The following ARAP3 variants were observed in gnomAD, a reference collection of about 807,000 sequenced individuals.
ARAP3 encodes ArfGAP with RhoGAP domain, ankyrin repeat and PH domain 3, also known as arf-GAP with Rho-GAP domain, ANK repeat and PH domain-containing protein 3.
A neutral mutation model predicts 169.2 loss-of-function variants in ARAP3; 82 were observed. The ratio of observed to expected loss-of-function variants is 0.48; its 90% confidence interval spans 0.41 to 0.58. ARAP3 has a LOEUF of 0.58. Ranked by LOEUF, ARAP3 falls within the 20% of genes least tolerant of loss-of-function variation. The probability of loss-of-function intolerance (pLI) is 0.00; values close to 1 mark genes in which losing one functional copy is unlikely to be tolerated. For missense variants in ARAP3, 1,764 were observed against 2,018.0 expected (o/e 0.87, Z 2.41); for synonymous variants, 791 against 800.3 (o/e 0.99, Z 0.20).
Position 141,658,603 on chromosome 5 carries a change from G to C in ARAP3, c.3387C>G (p.Leu1129=), listed in dbSNP as rs922948942. 6.2e-7 allele frequency: 1 copy of C among 1,612,882 alleles called. No individual in the cohort carries two copies. The highest frequency in any genetic ancestry group is 8.5e-7 in the Non-Finnish European group (1 of 1,179,720). The change falls in exon 24 of 33, where the codon CTC becomes CTG. Residue 1129 remains leucine (L), a synonymous_variant. Transcript: ENST00000239440. ...CCTTCAGGGTGACACAGTTGTCTGG[G>C]AGCTGCTGCTCTATATAAACTTCCA... ...LIMEVYIEQQ[L]PDNCVTLKVS...
Position 141,676,044 on chromosome 5 carries a change from T to C in ARAP3, c.699-2236A>G, listed in dbSNP as rs10072639. On this transcript the variant is annotated intron_variant, in intron 4 of 32. Transcript: ENST00000239440. ...GATCATTCCTATTCACCTACAAACC[T>C]ATATAACATTGCATCCAATAAAAAA... is the stretch of plus-strand genomic sequence containing the variant. 2.5e-3 allele frequency among the ~76,000 whole-genome samples: 373 copies of C among 152,168 alleles called. 1 individual carries two copies. The highest frequency in any genetic ancestry group is 8.5e-3 in the African/African-American group (354 of 41,506).
chr5:141,672,530 C>A lies in ARAP3; in HGVS notation c.1385+22G>T. The A allele has an allele frequency of 6.2e-7, 1 of 1,613,140 alleles. No individual in the cohort carries two copies. Among genetic ancestry groups the A allele is most frequent in the Non-Finnish European group, 8.5e-7 (1 of 1,179,520 alleles). On this transcript the variant is annotated intron_variant, in intron 9 of 32. Transcript: ENST00000239440. The surrounding 1 kb of genome is among the most constrained non-coding windows in gnomAD (Gnocchi z 4.9). ...TCCCGCAAAAGTCCCCCAGCCTTGCCTCCCACTGGCCCAGGCCCCACCTGA... is the reference window on the plus strand; with the variant it reads ...TCCCGCAAAAGTCCCCCAGCCTTGCATCCCACTGGCCCAGGCCCCACCTGA...
In ARAP3 at chr5:141,669,733, C is replaced by T; in HGVS notation, c.2328G>A (p.Glu776=). 2 of 1,614,110 alleles carry T rather than the reference C, an allele frequency of 1.2e-6. No homozygotes were observed. The highest frequency in any genetic ancestry group is 1.1e-5 in the South Asian group (1 of 91,084). Residue 776 remains glutamate, a synonymous_variant, in exon 16 of 33, where the codon GAG becomes GAA. Coordinates refer to ENST00000239440, the MANE Select transcript of ARAP3 (RefSeq NM_022481.6). ...CCTTGCCCACAGCACTAGTCCAGGC[C>T]TCCAGACTGTCAGCTCCATCTGTGC... The part of the protein sequence containing the change: ...HFGTDGADSL[E]AWTSAVGKWF...
At chr5:141,660,023 C>T in intron 21 of ARAP3, 97 bp from the exon 22 acceptor site, 2 of 1,436,600 alleles carry the variant, frequency 1.4e-6, no homozygotes, top group Non-Finnish European at 1.9e-6. Flanking sequence ...GCTTGGAATA[C>T]AGCAGTAAGA....
rs949471082 is a variant in ARAP3 at position 141,666,470 on chromosome 5, G to A, written c.2526C>T (p.Pro842=). The A allele has an allele frequency of 5.0e-6, 8 of 1,597,508 alleles. No homozygotes were observed. The African/African-American group carries it at 9.4e-5, about 19-fold the overall frequency. Residue 842 remains proline (P), a synonymous_variant, in exon 17 of 33, where the codon CCC becomes CCT. Coordinates refer to ENST00000239440, the MANE Select transcript of ARAP3 (RefSeq NM_022481.6). ...GATGCACCATGTCCTCAGGGGCTGG[G>A]GGGCCTGGGCCCGGCGCTGAGCACA... The part of the protein sequence containing the change: ...LFLCSAPGPG[P]PAPEDMVHLR...
intron 4 of ARAP3, among the ~76,000 whole-genome samples, chr5:141,675,604 T>TCGGGAGC (rs2099912072): frequency 5.3e-5 from 8 of 151,790 alleles, no homozygotes; most frequent in Non-Finnish European, 1.2e-4. Context: ...GCGCCTGTAA[T>TCGGGAGC]TCCAGCTACT....
intron 1 of ARAP3, among the ~76,000 whole-genome samples, chr5:141,681,144 T>C (rs1470873816): frequency 6.6e-6 from 1 of 152,166 alleles, no homozygotes; most frequent in Non-Finnish European, 1.5e-5. Flanking sequence ...TTGGTCAGGC[T>C]GCCGGGAGAG....
intron 16 of ARAP3, 108 bp downstream of exon 16, chr5:141,669,601 C>A: frequency 9.5e-7 from 1 of 1,054,214 alleles, no homozygotes. Context: ...CTCAGTCACC[C>A]TTAGCTGTTA....
chr5:141,655,371 G>C lies in ARAP3; in HGVS notation c.4140C>G (p.Ser1380=), dbSNP rs542882607. The stretch of plus-strand genomic sequence containing the variant: ...CAGGCACAATACTCACAAAGAACAT[G>C]GACAGGGTCCTCCGGTTGTGTAGTC... ...LRRLHNRRTL[S]MFFPMKSSQG... is the part of the protein sequence containing the mutation. Residue 1380 remains serine, a synonymous_variant, in exon 32 of 33, where the codon TCC becomes TCG. Coordinates refer to ENST00000239440, the MANE Select transcript of ARAP3 (RefSeq NM_022481.6). The C allele has an allele frequency of 1.3e-6, 2 of 1,582,664 alleles. No homozygotes were observed. Among genetic ancestry groups the C allele is most frequent in the African/African-American group, 2.7e-5 (2 of 74,448 alleles).
At chr5:141,661,040 T>C (rs945263372) in intron 21 of ARAP3, among the ~76,000 whole-genome samples, 3 of 151,986 alleles carry the variant, frequency 2.0e-5, no homozygotes, top group African/African-American at 4.8e-5. Context: ...ACTCTTTTTG[T>C]TCTTTTTTTT....
At position 141,669,614 on chromosome 5, in the gene ARAP3, GGAA is replaced by G. The variant is rs1349406928; in HGVS notation, c.2352+92_2352+94del. On this transcript the variant is annotated intron_variant, in intron 16 of 32. Coordinates refer to ENST00000239440, the MANE Select transcript of ARAP3 (RefSeq NM_022481.6). ...TGCTCAGTCACCCTTAGCTGTTAGT[GGAA>G]GAAGTGGCTGTAGGAATAAGAGAGG... The G allele has an allele frequency of 4.1e-4, 497 of 1,201,800 alleles. 1 individual carries two copies. The highest frequency in any genetic ancestry group is 2.8e-5 in the Non-Finnish European group (23 of 819,426). The allele number at this position is 1,201,800 out of a possible 1,614,324, so 74.4% of individuals were successfully genotyped here.
intron 25 of ARAP3, among the ~76,000 whole-genome samples, chr5:141,657,623 G>A (rs895725805): frequency 2.0e-5 from 3 of 152,230 alleles, no homozygotes; most frequent in Non-Finnish European, 4.4e-5. Flanking sequence ...AAAACATAAT[G>A]ATGACTTCAA....
Position 141,671,624 on chromosome 5 carries a change from C to G in ARAP3, c.1800G>C (p.Leu600=). The stretch of plus-strand genomic sequence containing the variant: ...GAGGGTGGGGCTTCCGGAAGAGACC[C>G]AGACGGTACTTTCGGGAGATGAACT... ...RGEFISRKYR[L]GLFRKPHPQY... Residue 600 remains leucine (L), a synonymous_variant, in exon 12 of 33, where the codon CTG becomes CTC. Transcript: ENST00000239440. The surrounding 1 kb of genome is among the most constrained non-coding windows in gnomAD (Gnocchi z 4.9). 1 of 1,614,086 alleles carries G rather than the reference C, an allele frequency of 6.2e-7. No homozygotes were observed. The highest frequency in any genetic ancestry group is 8.5e-7 in the Non-Finnish European group (1 of 1,179,986).
At chr5:141,677,171 C>G (rs755182812) in intron 4 of ARAP3, among the ~76,000 whole-genome samples, 14 of 152,110 alleles carry the variant, frequency 9.2e-5, no homozygotes, top group Admixed American at 2.0e-4. Context: ...CCCAATATAT[C>G]CTAAACATTA....
chr5:141,656,538 C>T lies in ARAP3; in HGVS notation c.3755G>A (p.Arg1252His), dbSNP rs374506349. The change falls in exon 27 of 33, where the codon CGT (arginine) becomes CAT (histidine). Residue 1252 changes from arginine to histidine, a missense_variant. By Grantham distance (29) the Arg-to-His change is conservative (BLOSUM62 0). This residue lies in a region of ARAP3 where 1,112 missense variants were observed against 1,285.7 expected (regional missense o/e 0.86). Transcript: ENST00000239440. Reference sequence around the variant, plus strand: ...CTTGAGCAGCAGCAGGCAGCGGCCACGCAGCAGAAAGAACCTCTCCTGGAA... The same window carrying T: ...CTTGAGCAGCAGCAGGCAGCGGCCATGCAGCAGAAAGAACCTCTCCTGGAA... ...SRFQERFFLL[R>H]GRCLLLLKEK... 3.7e-5 allele frequency: 60 copies of T among 1,612,418 alleles called. No homozygotes were observed. The highest frequency in any genetic ancestry group is 3.7e-4 in the Admixed American group (22 of 59,772).
chr5:141,676,124 C>T (rs1042091031), intron 4 of ARAP3, among the ~76,000 whole-genome samples: 2 of 152,100 alleles, frequency 1.3e-5, no homozygotes, highest in Non-Finnish European at 2.9e-5. Flanking sequence ...CTTTGGCAGG[C>T]GGATCACGAG....
Position 141,664,956 on chromosome 5 carries a change from G to T in ARAP3, c.2766C>A (p.Ile922=). 4.4e-6 allele frequency: 7 copies of T among 1,607,120 alleles called. No homozygotes were observed. Among genetic ancestry groups the T allele is most frequent in the Non-Finnish European group, 5.9e-6 (7 of 1,179,390 alleles). The change falls in exon 19 of 33, where the codon ATC becomes ATA. Residue 922 remains isoleucine (I), a synonymous_variant. Coordinates refer to ENST00000239440, the MANE Select transcript of ARAP3 (RefSeq NM_022481.6). ...TAACAAAACTGATGCAGGCATCCAC[G>T]ATGATGGGGATGTCACCCCGGCTCA... ...QQMSRGDIPI[I]VDACISFVTQ...
At chr5:141,674,966 C>CCTTGCAGG (rs1349819741) in intron 4 of ARAP3, among the ~76,000 whole-genome samples, 2 of 152,222 alleles carry the variant, frequency 1.3e-5, no homozygotes, top group African/African-American at 2.4e-5. Flanking sequence ...GGAAGCCCTT[C>CCTTGCAGG]AATAACGTCC....
chr5:141,656,077 C>G lies in ARAP3; in HGVS notation c.3895G>C (p.Glu1299Gln). Reference protein sequence around the residue: ...PTPWGFTLILEKMHLYLSCTD... With the variant: ...PTPWGFTLILQKMHLYLSCTD... ...GGAGGTACTCACAGGTGCATCTTCT[C>G]TAGTATCAATGTGAAGCCCCACCTG... The change falls in exon 29 of 33, where the codon GAG (glutamate) becomes CAG (glutamine). Residue 1299 changes from glutamate to glutamine, a missense_variant. By Grantham distance (29) the Glu-to-Gln change is conservative. Coordinates refer to ENST00000239440, the MANE Select transcript of ARAP3 (RefSeq NM_022481.6). 1.2e-6 allele frequency: 2 copies of G among 1,614,096 alleles called. No individual in the cohort carries two copies. Among genetic ancestry groups the G allele is most frequent in the Non-Finnish European group, 1.7e-6 (2 of 1,180,036 alleles).
Sources: allele counts gnomAD v4.1 joint callset (sites outside exome capture counted in the v4.1 genomes callset), GRCh38; gene constraint gnomAD v4.1.1; regional missense constraint gnomAD v4.1.1; non-coding constraint Gnocchi (gnomAD v3.1); transcripts MANE v1.5; gene names NCBI Gene and HGNC (gene_info 2026-07-23, HGNC 2026-07-21).